The following EEIG2 variants were observed in gnomAD, a reference collection of about 807,000 sequenced individuals.
EEIG2 encodes the protein EEIG family member 2.
the EEIG2 span, among the ~76,000 whole-genome samples, chr1:108,620,378 G>A: frequency 1.6e-4 from 24 of 152,214 alleles, no homozygotes; most frequent in East Asian, 2.5e-3. Context: ...GAAGACAGCT[G>A]GTAAGTCAGC....
chr1:108,617,252 G>A, the EEIG2 span, among the ~76,000 whole-genome samples: 1 of 152,166 alleles, frequency 6.6e-6, no homozygotes, highest in East Asian at 1.9e-4. Flanking sequence ...GCTATTGGAG[G>A]TTTTGAGCAG....
At chr1:108,567,893 G>A in the EEIG2 span, among the ~76,000 whole-genome samples, 21 of 152,160 alleles carry the variant, frequency 1.4e-4, no homozygotes, top group African/African-American at 4.6e-4. Flanking sequence ...AGCTACTCAG[G>A]GAGACTGAGG....
the EEIG2 span, among the ~76,000 whole-genome samples, chr1:108,579,699 CCAAG>C: frequency 6.6e-6 from 1 of 151,138 alleles, no homozygotes; most frequent in Non-Finnish European, 1.5e-5. Context: ...CACCTCTACA[CCAAG>C]CAAGTCTGTC....
At chr1:108,582,791 G>A in the EEIG2 span, among the ~76,000 whole-genome samples, 7 of 152,272 alleles carry the variant, frequency 4.6e-5, no homozygotes, top group African/African-American at 1.7e-4. Context: ...AAACAGACTT[G>A]ATAAGCGCAT....
chr1:108,629,221 T>G, the EEIG2 span, among the ~76,000 whole-genome samples: 1,234 of 152,292 alleles, frequency 8.1e-3, 24 homozygotes, highest in African/African-American at 0.028. Flanking sequence ...AGCTGAAAAT[T>G]TGTATGCCAC....
chr1:108,599,690 C>A, the EEIG2 span, among the ~76,000 whole-genome samples: 2 of 152,230 alleles, frequency 1.3e-5, no homozygotes. Flanking sequence ...CTTCTCTCAT[C>A]ACACTTCATT....
At chr1:108,574,742 C>T in the EEIG2 span, among the ~76,000 whole-genome samples, 2 of 152,170 alleles carry the variant, frequency 1.3e-5, no homozygotes, top group Non-Finnish European at 1.5e-5. Context: ...AAGAGCTAGA[C>T]TTCGTCTCAA....
the EEIG2 span, among the ~76,000 whole-genome samples, chr1:108,604,421 G>A: frequency 6.6e-6 from 1 of 152,158 alleles, no homozygotes; most frequent in Non-Finnish European, 1.5e-5. Context: ...GGTCATTATT[G>A]TGCAGCCAGT....
At chr1:108,591,930 CAGAA>C in the EEIG2 span, among the ~76,000 whole-genome samples, 1 of 152,034 alleles carries the variant, frequency 6.6e-6, no homozygotes, top group African/African-American at 2.4e-5. Flanking sequence ...CAATATAAGA[CAGAA>C]AGAAAGGGTC....
the EEIG2 span, chr1:108,560,120 G>A: frequency 1.1e-5 from 2 of 175,326 alleles, no homozygotes; most frequent in Admixed American, 1.3e-4. Context: ...CAGCGGCGGC[G>A]GAGGCGGCGG....
chr1:108,630,752 C>T, the EEIG2 span, among the ~76,000 whole-genome samples: 2 of 152,164 alleles, frequency 1.3e-5, no homozygotes, highest in Non-Finnish European at 2.9e-5. Flanking sequence ...CCTTAACAAC[C>T]TGCTCCCCAC....
the EEIG2 span, among the ~76,000 whole-genome samples, chr1:108,598,671 G>A: frequency 5.9e-5 from 9 of 152,118 alleles, no homozygotes; most frequent in East Asian, 3.9e-4. Context: ...TATCATAGTA[G>A]AACTGGTGGT....
At chr1:108,613,897 A>G in the EEIG2 span, among the ~76,000 whole-genome samples, 1 of 151,984 alleles carries the variant, frequency 6.6e-6, no homozygotes, top group East Asian at 1.9e-4. Context: ...TATCTCCAGC[A>G]ATATTTTCCT....
the EEIG2 span, among the ~76,000 whole-genome samples, chr1:108,587,382 G>A: frequency 1.3e-5 from 2 of 152,042 alleles, no homozygotes; most frequent in Admixed American, 6.6e-5. Flanking sequence ...CCAGAGTGGC[G>A]CATTTGTTAC....
At chr1:108,617,712 G>A in the EEIG2 span, among the ~76,000 whole-genome samples, 1 of 152,182 alleles carries the variant, frequency 6.6e-6, no homozygotes, top group Non-Finnish European at 1.5e-5. Context: ...TAGAGGTCGG[G>A]GAGATTGGGA....
chr1:108,561,766 C>CA, the EEIG2 span, among the ~76,000 whole-genome samples: 15 of 151,998 alleles, frequency 9.9e-5, no homozygotes, highest in South Asian at 2.1e-4. Context: ...TATTTTGGTG[C>CA]AAAAAAAATA....
chr1:108,573,361 TA>T, the EEIG2 span, among the ~76,000 whole-genome samples: 1 of 152,188 alleles, frequency 6.6e-6, no homozygotes, highest in Admixed American at 6.5e-5. Flanking sequence ...CTTTATTACG[TA>T]ACAGAGAAAT....
chr1:108,572,973 A>T, the EEIG2 span, among the ~76,000 whole-genome samples: 3 of 152,230 alleles, frequency 2.0e-5, no homozygotes, highest in Non-Finnish European at 4.4e-5. Context: ...AATAGTAATT[A>T]TCTGGATATA....
the EEIG2 span, among the ~76,000 whole-genome samples, chr1:108,584,534 G>A: frequency 9.6e-3 from 1,466 of 152,182 alleles, 23 homozygotes; most frequent in African/African-American, 0.033. Context: ...GTGAGTCATC[G>A]CTAGCATAGC....
Sources: allele counts gnomAD v4.1 joint callset (sites outside exome capture counted in the v4.1 genomes callset), GRCh38; gene constraint gnomAD v4.1.1; transcripts MANE v1.5; gene names NCBI Gene and HGNC (gene_info 2026-07-23, HGNC 2026-07-21).